MYO16: variants seen among roughly 807,000 people sequenced by gnomAD.
MYO16 encodes unconventional myosin-XVI.
A neutral mutation model predicts 205.3 loss-of-function variants in MYO16; 94 were observed. The observed-to-expected ratio is 0.46, with a 90% confidence interval of 0.39 to 0.54. The LOEUF is 0.54. Among genes scored for constraint, MYO16 ranks in the 20% least tolerant of loss-of-function variants. MYO16 has a pLI of 0.00. For synonymous variants in MYO16, 988 were observed against 954.0 expected (o/e 1.04, Z -0.66); for missense variants, 2,315 against 2,387.5 (o/e 0.97, Z 0.63).
At chr13:108,547,756 T>A in the MYO16 span, among the ~76,000 whole-genome samples, 3 of 152,196 alleles carry the variant, frequency 2.0e-5, no homozygotes, top group South Asian at 2.1e-4. Flanking sequence ...GTGGGTAAGA[T>A]CACTTAAGAC....
At chr13:108,656,627 C>T (rs1207327187) in intron 1 of MYO16, among the ~76,000 whole-genome samples, 1 of 152,174 alleles carries the variant, frequency 6.6e-6, no homozygotes, top group African/African-American at 2.4e-5. Context: ...AATAAATATA[C>T]ATTCTTACTC....
intron 19 of MYO16, among the ~76,000 whole-genome samples, chr13:108,963,771 G>A (rs142479741): frequency 1.4e-3 from 213 of 152,186 alleles, no homozygotes; most frequent in Middle Eastern, 6.8e-3. Context: ...CTCACTATTA[G>A]TATCTATGAT....
intron 10 of MYO16, among the ~76,000 whole-genome samples, chr13:108,852,233 C>T (rs1485132711): frequency 2.4e-4 from 37 of 152,204 alleles, no homozygotes; most frequent in Non-Finnish European, 2.9e-5. Context: ...CCCCCAGCCC[C>T]CCAGTAGGGG....
At chr13:109,029,462 C>T (rs1266064523) in intron 23 of MYO16, among the ~76,000 whole-genome samples, 1 of 152,066 alleles carries the variant, frequency 6.6e-6, no homozygotes, top group Non-Finnish European at 1.5e-5. Flanking sequence ...GTGTCCTTTA[C>T]CTCCCTGGAG....
At chr13:109,179,157 A>G (rs990506700) in intron 33 of MYO16, among the ~76,000 whole-genome samples, 11 of 152,294 alleles carry the variant, frequency 7.2e-5, no homozygotes, top group African/African-American at 2.6e-4. Context: ...TATGAATGGC[A>G]GCCACATTCT....
At chr13:109,116,341 A>T (rs1594099166) in intron 28 of MYO16, among the ~76,000 whole-genome samples, 1 of 152,158 alleles carries the variant, frequency 6.6e-6, no homozygotes, top group African/African-American at 2.4e-5. Context: ...CATAGGCTAC[A>T]TGAAAAACCC....
chr13:108,905,051 C>T lies in MYO16; in HGVS notation c.1778-4952C>T, dbSNP rs543747032. On this transcript the variant is annotated intron_variant, in intron 15 of 34. Coordinates refer to ENST00000457511, the MANE Select transcript of MYO16 (RefSeq NM_001198950.3). The stretch of plus-strand genomic sequence containing the variant: ...ATGTGATAGCAAGATTTTTAATTAG[C>T]TCTTTCTTTTTCTAATTTACTCGCA... Among the ~76,000 whole-genome samples the T allele has an allele frequency of 3.3e-5, 5 of 152,094 alleles. No individual in the cohort carries two copies. The East Asian group carries it at 9.7e-4, about 29-fold the overall frequency.
chr13:108,524,608 C>T, the MYO16 span, among the ~76,000 whole-genome samples: 7 of 152,252 alleles, frequency 4.6e-5, no homozygotes, highest in East Asian at 1.9e-4. Context: ...CAAGTGTGTG[C>T]GTGTGCTTTC....
chr13:108,587,315 C>T, the MYO16 span, among the ~76,000 whole-genome samples: 2 of 152,114 alleles, frequency 1.3e-5, no homozygotes, highest in Non-Finnish European at 2.9e-5. Flanking sequence ...GGACTGCTGG[C>T]TTTCTGAGAA....
At chr13:109,063,340 C>T (rs545660069) in intron 27 of MYO16, among the ~76,000 whole-genome samples, 109 of 152,228 alleles carry the variant, frequency 7.2e-4, no homozygotes, top group African/African-American at 2.5e-3. Flanking sequence ...ATTATAAAGA[C>T]TTAAGGACTC....
chr13:109,079,602 C>T (rs7334067), intron 27 of MYO16, among the ~76,000 whole-genome samples: 3,542 of 152,084 alleles, frequency 0.023, 134 homozygotes, highest in African/African-American at 0.08. Flanking sequence ...CAACAAGCAC[C>T]GCAGGCTAGG....
chr13:108,912,160 G>A (rs1319949721), intron 16 of MYO16, among the ~76,000 whole-genome samples: 4 of 152,152 alleles, frequency 2.6e-5, no homozygotes, highest in Non-Finnish European at 5.9e-5. Flanking sequence ...CCTCTGTCCC[G>A]CCACTGCTGT....
At chr13:108,780,554 G>C (rs928713944) in intron 4 of MYO16, among the ~76,000 whole-genome samples, 1 of 152,152 alleles carries the variant, frequency 6.6e-6, no homozygotes, top group Admixed American at 6.5e-5. Flanking sequence ...AAGGTAAGTA[G>C]GAGTATAGTG....
chr13:108,918,138 G>T (rs1881580858), intron 16 of MYO16, among the ~76,000 whole-genome samples: 1 of 152,168 alleles, frequency 6.6e-6, no homozygotes, highest in Non-Finnish European at 1.5e-5. Flanking sequence ...TTCAGCAAGA[G>T]AACTATTTGC....
At chr13:108,677,450 A>G (rs1246208452) in intron 2 of MYO16, among the ~76,000 whole-genome samples, 3 of 150,526 alleles carry the variant, frequency 2.0e-5, no homozygotes, top group Non-Finnish European at 3.0e-5. Flanking sequence ...GTACAGATAC[A>G]CATGTACATA....
At chr13:108,624,185 A>G (rs1879647669) in intron 1 of MYO16, among the ~76,000 whole-genome samples, 1 of 152,194 alleles carries the variant, frequency 6.6e-6, no homozygotes, top group Non-Finnish European at 1.5e-5. Flanking sequence ...TATCTTTTAG[A>G]TCATCAAAAA....
At chr13:109,179,182 C>T (rs1431045938) in intron 33 of MYO16, among the ~76,000 whole-genome samples, 1 of 152,200 alleles carries the variant, frequency 6.6e-6, no homozygotes, top group South Asian at 2.1e-4. Flanking sequence ...TCTGCAGTCA[C>T]CCTAGTGACT....
rs527669468 is a variant in MYO16, at chr13:108,759,690, A to G, written c.508-25945A>G. Among the ~76,000 whole-genome samples, 183 of 150,894 alleles carry G rather than the reference A, an allele frequency of 1.2e-3. 1 individual carries two copies. Among genetic ancestry groups the G allele is most frequent in the Admixed American group, 1.9e-3 (29 of 15,268 alleles). On this transcript the variant is annotated intron_variant, in intron 4 of 34. Transcript: ENST00000457511. Reference sequence around the variant, plus strand: ...CAAAAAATTAGCCAGGCGTGGGGGCAGGCGCCTATAGTCCCAGCTACTCCG... The same window carrying G: ...CAAAAAATTAGCCAGGCGTGGGGGCGGGCGCCTATAGTCCCAGCTACTCCG...
intron 1 of MYO16, among the ~76,000 whole-genome samples, chr13:108,616,983 T>C (rs570447542): frequency 2.0e-5 from 3 of 152,262 alleles, no homozygotes; most frequent in African/African-American, 7.2e-5. Flanking sequence ...CCAAACCATT[T>C]TGTGACCTGA....
Sources: gnomAD v4.1 joint callset for allele counts (sites outside exome capture counted in the v4.1 genomes callset) on GRCh38, gnomAD v4.1.1 for gene constraint, MANE v1.5 for transcripts, NCBI Gene and HGNC (gene_info 2026-07-23, HGNC 2026-07-21) for gene names.